KCNC2: variants seen among roughly 807,000 people sequenced by gnomAD.
The protein encoded by KCNC2 is voltage-gated potassium channel KCNC2.
Under a neutral mutation model 44.5 loss-of-function variants are expected in KCNC2, and 21 were observed. That is an observed-to-expected ratio of 0.47 (90% CI 0.33 to 0.68). The LOEUF (loss-of-function observed/expected upper bound fraction) is 0.68, where lower values mean the gene tolerates loss of function less well. KCNC2 is among the 30% of genes least tolerant of loss of function. The pLI is 0.01. For synonymous variants in KCNC2, 391 were observed against 339.1 expected, an observed-to-expected ratio of 1.15 and a Z score of -1.68; for missense variants, 589 against 826.2, an observed-to-expected ratio of 0.71 and a Z score of 3.52.
At chr12:75,184,939 C>T (rs1424063879) in intron 2 of KCNC2, among the ~76,000 whole-genome samples, 4 of 152,106 alleles carry the variant, frequency 2.6e-5, no homozygotes, top group Admixed American at 6.6e-5. Context: ...CAGTTGATAT[C>T]TTCATAAGAG....
At chr12:75,173,360 C>A (rs1436147266) in intron 2 of KCNC2, among the ~76,000 whole-genome samples, 3 of 151,794 alleles carry the variant, frequency 2.0e-5, no homozygotes, top group Non-Finnish European at 4.4e-5. Flanking sequence ...TCTAAAGATA[C>A]AATTGAAATT....
Position 75,202,692 on chromosome 12 carries a change from A to G in KCNC2, c.687+4605T>C, listed in dbSNP as rs182376962. ...TGAAAACAGAAAAATAAAGAATTTA[A>G]GAGCCTAATATTTTGTAATAAAATA... On this transcript the variant is annotated intron_variant, in intron 2 of 4. Coordinates refer to ENST00000549446, the MANE Select transcript of KCNC2 (RefSeq NM_139137.4). Among the ~76,000 whole-genome samples, 674 of 151,938 alleles carry G rather than the reference A, an allele frequency of 4.4e-3. 6 individuals carry two copies. The highest frequency in any genetic ancestry group is 0.015 in the African/African-American group (624 of 41,556).
chr12:75,068,627 G>A (rs1454752244), intron 2 of KCNC2, among the ~76,000 whole-genome samples: 4 of 152,180 alleles, frequency 2.6e-5, no homozygotes, highest in African/African-American at 9.7e-5. Flanking sequence ...TATTTGGACT[G>A]ATAAAAAGCT....
intron 2 of KCNC2, among the ~76,000 whole-genome samples, chr12:75,154,470 T>C (rs1356185300): frequency 3.9e-5 from 6 of 152,020 alleles, no homozygotes; most frequent in African/African-American, 1.4e-4. Context: ...TCATGGAGGT[T>C]CAGCAGATTT....
intron 2 of KCNC2, among the ~76,000 whole-genome samples, chr12:75,090,827 A>G (rs994655242): frequency 2.9e-4 from 44 of 151,728 alleles, no homozygotes; most frequent in Admixed American, 2.8e-3. Context: ...TCTAGCCTCC[A>G]AGTGTCTAAC....
chr12:75,043,475 A>G (rs1880151481), intron 4 of KCNC2: 1 of 1,293,806 alleles, frequency 7.7e-7, no homozygotes, highest in Non-Finnish European at 9.9e-7. Context: ...TTCAAAATAT[A>G]TTTTTTCCCA....
chr12:75,050,228 C>T (rs925947643), intron 3 of KCNC2, among the ~76,000 whole-genome samples, 162 bp downstream of exon 3: 1 of 151,730 alleles, frequency 6.6e-6, no homozygotes, highest in Non-Finnish European at 1.5e-5. Flanking sequence ...GAAAATGCTA[C>T]AGTCTAGCTA....
chr12:75,108,437 C>A (rs555896741), intron 2 of KCNC2, among the ~76,000 whole-genome samples: 3 of 152,252 alleles, frequency 2.0e-5, no homozygotes, highest in East Asian at 1.9e-4. Context: ...CCTTGCATTG[C>A]CAGATTAGGA....
At position 75,207,783 on chromosome 12, in the gene KCNC2, C is replaced by A. The variant is rs778930267; in HGVS notation, c.201G>T (p.Ala67=). The change falls in exon 2 of 5, where the codon GCG becomes GCT. Residue 67 remains alanine, a synonymous_variant. Transcript: ENST00000549446. The surrounding 1 kb of genome is among the most constrained non-coding windows in gnomAD (Gnocchi z 4.1). ...CGCCTGGCCCGGGGGACAGCGGGGGCGCTCTCGGCGGCGGCGACAGTGGAG... is the reference window on the plus strand; with the variant it reads ...CGCCTGGCCCGGGGGACAGCGGGGGAGCTCTCGGCGGCGGCGACAGTGGAG... The part of the protein sequence containing the change: ...SPPPLSPPPR[A]PPLSPGPGGC... 4 of 1,587,360 alleles carry A rather than the reference C, an allele frequency of 2.5e-6. No individual in the cohort carries two copies. Among genetic ancestry groups the A allele is most frequent in the Non-Finnish European group, 3.4e-6 (4 of 1,168,246 alleles).
At chr12:75,089,403 A>C (rs1379331334) in intron 2 of KCNC2, among the ~76,000 whole-genome samples, 1 of 151,860 alleles carries the variant, frequency 6.6e-6, no homozygotes, top group Non-Finnish European at 1.5e-5. Flanking sequence ...TATAACTATA[A>C]AATAGATTCT....
chr12:75,153,353 T>C (rs1332619995), intron 2 of KCNC2, among the ~76,000 whole-genome samples: 1 of 152,022 alleles, frequency 6.6e-6, no homozygotes, highest in African/African-American at 2.4e-5. Flanking sequence ...GTTGAAAATT[T>C]ACGTGTAACA....
At chr12:75,197,030 A>G (rs1006621868) in intron 2 of KCNC2, among the ~76,000 whole-genome samples, 10 of 152,078 alleles carry the variant, frequency 6.6e-5, no homozygotes, top group African/African-American at 2.2e-4. Flanking sequence ...CTCAAAGTGC[A>G]TTCACCTGAT....
intron 2 of KCNC2, among the ~76,000 whole-genome samples, chr12:75,169,194 T>C (rs1322120382): frequency 6.6e-6 from 1 of 151,586 alleles, no homozygotes; most frequent in Non-Finnish European, 1.5e-5. Context: ...TGCCTTTGTC[T>C]GAGGCCTTGA....
intron 2 of KCNC2, among the ~76,000 whole-genome samples, chr12:75,112,952 T>A (rs1225654449): frequency 6.6e-6 from 1 of 152,158 alleles, no homozygotes; most frequent in African/African-American, 2.4e-5. Flanking sequence ...ATTGCCTTGA[T>A]GTTCAAATAA....
chr12:75,066,041 T>C (rs959949934), intron 2 of KCNC2, among the ~76,000 whole-genome samples: 6 of 152,174 alleles, frequency 3.9e-5, no homozygotes, highest in Non-Finnish European at 7.4e-5. Context: ...TATACGTCTA[T>C]TAAAATTTAG....
rs1036672994 is a variant in KCNC2 at position 75,041,527 on chromosome 12, C to T, written c.*1578G>A. On this transcript the variant is annotated 3_prime_UTR_variant, in exon 5 of 5. Coordinates refer to ENST00000549446, the MANE Select transcript of KCNC2 (RefSeq NM_139137.4). ...CAAATGCCTTAGTGATATTATTTAT[C>T]CCTCTATTTATATTACGGTCTTTTT... The T allele has an allele frequency of 1.8e-6, 2 of 1,139,744 alleles. No homozygotes were observed. The highest frequency in any genetic ancestry group is 3.2e-5 in the African/African-American group (2 of 62,562). 70.6% of individuals were successfully genotyped at this position (1,139,744 alleles called of 1,614,324 possible).
At position 75,087,624 on chromosome 12, in the gene KCNC2, T is replaced by A. The variant is rs756091698; in HGVS notation, c.688-36307A>T. The stretch of plus-strand genomic sequence containing the variant: ...ATGATCTTAATTCCCTCATCCACAT[T>A]AATCTCATTCAACCAAATTTGGGAG... On this transcript the variant is annotated intron_variant, in intron 2 of 4. Coordinates refer to ENST00000549446, the MANE Select transcript of KCNC2 (RefSeq NM_139137.4). Among the ~76,000 whole-genome samples, 111 of 152,138 alleles carry A rather than the reference T, an allele frequency of 7.3e-4. 1 individual carries two copies. Among genetic ancestry groups the A allele is most frequent in the Admixed American group, 8.5e-4 (13 of 15,252 alleles).
chr12:75,189,178 T>C (rs1409637454), intron 2 of KCNC2, among the ~76,000 whole-genome samples: 3 of 152,196 alleles, frequency 2.0e-5, no homozygotes, highest in Non-Finnish European at 2.9e-5. Context: ...CCACCCATAA[T>C]GTTTTGAAGA....
intron 2 of KCNC2, among the ~76,000 whole-genome samples, chr12:75,133,919 GA>G (rs141911150): frequency 0.15 from 22,731 of 151,576 alleles, 2,029 homozygotes; most frequent in Middle Eastern, 0.27. Context: ...AAAGATACAC[GA>G]AAAAAAGATG....
Sources: allele counts gnomAD v4.1 joint callset (sites outside exome capture counted in the v4.1 genomes callset), GRCh38; gene constraint gnomAD v4.1.1; non-coding constraint Gnocchi (gnomAD v3.1); transcripts MANE v1.5; gene names NCBI Gene and HGNC (gene_info 2026-07-23, HGNC 2026-07-21).